ZNF385D: variants seen among roughly 807,000 people sequenced by gnomAD.
ZNF385D encodes the protein zinc finger protein 385D.
In ZNF385D, 15 loss-of-function variants were observed where a neutral mutation model predicts 35.8. The ratio of observed to expected loss-of-function variants is 0.42; its 90% confidence interval spans 0.28 to 0.64. The LOEUF (loss-of-function observed/expected upper bound fraction) is 0.64. Ranked by LOEUF, ZNF385D falls within the 30% of genes least tolerant of loss-of-function variation. ZNF385D has a pLI of 0.23. For missense variants in ZNF385D, 474 were observed against 494.6 expected (o/e 0.96, Z 0.39); for synonymous variants, 212 against 186.8 (o/e 1.13, Z -1.10).
chr3:22,346,675 G>A (rs17011228), intron 2 of ZNF385D, among the ~76,000 whole-genome samples: 60,246 of 151,966 alleles, frequency 0.4, 13,862 homozygotes, highest in African/African-American at 0.63. Flanking sequence ...TTTAGAAACC[G>A]TTGTTCAAGA....
At chr3:22,259,740 A>G (rs1700522208) in intron 2 of ZNF385D, among the ~76,000 whole-genome samples, 1 of 152,012 alleles carries the variant, frequency 6.6e-6, no homozygotes, top group South Asian at 2.1e-4. Flanking sequence ...TGGTCCTTAT[A>G]TAGTTGGTAC....
chr3:21,702,502 T>C (rs1029129153), intron 1 of ZNF385D, among the ~76,000 whole-genome samples: 1 of 152,196 alleles, frequency 6.6e-6, no homozygotes, highest in African/African-American at 2.4e-5. Flanking sequence ...CTGGAAACAT[T>C]TTCCTCATGA....
chr3:21,550,119 C>G (rs1158610629), intron 3 of ZNF385D, among the ~76,000 whole-genome samples: 1 of 152,060 alleles, frequency 6.6e-6, no homozygotes, highest in Non-Finnish European at 1.5e-5. Context: ...TTCTCTTTTC[C>G]TTTATAAAAT....
chr3:21,536,106 A>G (rs1396861437), intron 3 of ZNF385D, among the ~76,000 whole-genome samples: 1 of 149,176 alleles, frequency 6.7e-6, no homozygotes, highest in Non-Finnish European at 1.5e-5. Flanking sequence ...ATGATTAAAC[A>G]GTAACAACTT....
intron 3 of ZNF385D, among the ~76,000 whole-genome samples, chr3:22,090,181 G>A (rs1220594077): frequency 2.0e-5 from 3 of 152,046 alleles, no homozygotes; most frequent in Non-Finnish European, 4.4e-5. Flanking sequence ...AGTTCAAATT[G>A]CTACAAAATT....
intron 2 of ZNF385D, among the ~76,000 whole-genome samples, chr3:22,204,048 G>A (rs959883267): frequency 4.6e-5 from 7 of 152,024 alleles, no homozygotes; most frequent in African/African-American, 1.4e-4. Flanking sequence ...GTGCTGTGCT[G>A]GCTTTAGGTC....
chr3:21,626,922 G>A (rs1487782270), intron 2 of ZNF385D, among the ~76,000 whole-genome samples: 1 of 152,010 alleles, frequency 6.6e-6, no homozygotes, highest in Non-Finnish European at 1.5e-5. Context: ...TAAGCCTGTA[G>A]AAAAGAACTG....
At chr3:22,147,317 T>A (rs1228592389) in intron 3 of ZNF385D, among the ~76,000 whole-genome samples, 1 of 152,164 alleles carries the variant, frequency 6.6e-6, no homozygotes, top group Non-Finnish European at 1.5e-5. Flanking sequence ...TGATGCCAGT[T>A]CCAACGGTAG....
At chr3:22,246,033 GAC>G (rs1699759945) in intron 2 of ZNF385D, among the ~76,000 whole-genome samples, 1 of 152,086 alleles carries the variant, frequency 6.6e-6, no homozygotes, top group East Asian at 1.9e-4. Flanking sequence ...TTGCTTTCTA[GAC>G]ACACAACATT....
intron 3 of ZNF385D, among the ~76,000 whole-genome samples, chr3:21,927,354 C>T (rs1159758265): frequency 6.6e-6 from 1 of 151,994 alleles, no homozygotes; most frequent in Admixed American, 6.6e-5. Context: ...TCGTGCATTG[C>T]AATTCTGATT....
intron 3 of ZNF385D, among the ~76,000 whole-genome samples, chr3:21,820,973 A>G (rs1241513933): frequency 6.6e-6 from 1 of 152,014 alleles, no homozygotes; most frequent in Non-Finnish European, 1.5e-5. Context: ...TTAATTACAA[A>G]ACCGATTAAA....
At chr3:21,923,815 C>T (rs1289395456) in intron 3 of ZNF385D, among the ~76,000 whole-genome samples, 1 of 151,958 alleles carries the variant, frequency 6.6e-6, no homozygotes, top group African/African-American at 2.4e-5. Flanking sequence ...TATTCATGGA[C>T]ATAAACTGGG....
At chr3:21,783,958 T>G (rs897495163) in intron 3 of ZNF385D, among the ~76,000 whole-genome samples, 4 of 152,128 alleles carry the variant, frequency 2.6e-5, no homozygotes, top group Non-Finnish European at 5.9e-5. Flanking sequence ...AGAAAGAAAG[T>G]TGTGGCAGAG....
intron 2 of ZNF385D, among the ~76,000 whole-genome samples, chr3:22,215,307 T>C (rs999326425): frequency 2.0e-5 from 3 of 152,018 alleles, no homozygotes; most frequent in Admixed American, 6.6e-5. Context: ...CTCTGACCGC[T>C]GGTGAGCCAG....
At chr3:22,123,318 A>G (rs1336892433) in intron 3 of ZNF385D, among the ~76,000 whole-genome samples, 1 of 152,180 alleles carries the variant, frequency 6.6e-6, no homozygotes, top group East Asian at 1.9e-4. Flanking sequence ...ATTTATTTAT[A>G]TAATTAGTTT....
intron 2 of ZNF385D, among the ~76,000 whole-genome samples, chr3:21,637,616 A>C (rs1038065824): frequency 2.6e-5 from 4 of 151,984 alleles, no homozygotes; most frequent in Non-Finnish European, 5.9e-5. Context: ...CACTGTTCTT[A>C]AATACTGTAG....
chr3:21,687,722 GT>G (rs1220254690), intron 1 of ZNF385D, among the ~76,000 whole-genome samples: 1 of 152,016 alleles, frequency 6.6e-6, no homozygotes, highest in Admixed American at 6.6e-5. Context: ...CTCTTAATAT[GT>G]TTTTGACTAA....
chr3:22,006,187 C>CT (rs1696187254), intron 3 of ZNF385D, among the ~76,000 whole-genome samples: 1 of 152,006 alleles, frequency 6.6e-6, no homozygotes, highest in Admixed American at 6.5e-5. Context: ...TTAGATAAAC[C>CT]TATGCAGAGT....
rs1292669076 is a variant in ZNF385D, at chr3:21,502,856, G to A, written c.439+8005C>T. ...TGAGCCAGTGCTAAGAAAAGAAAAA[G>A]CACTCCAGGCACAAATGGTTTCACA... On this transcript the variant is annotated intron_variant, in intron 4 of 7. Coordinates refer to ENST00000281523, the MANE Select transcript of ZNF385D (RefSeq NM_024697.3). Among the ~76,000 whole-genome samples the A allele has an allele frequency of 5.9e-5, 9 of 152,272 alleles. No homozygotes were observed. The East Asian group carries it at 1.7e-3, about 29-fold the overall frequency.
Sources: allele counts gnomAD v4.1 joint callset (sites outside exome capture counted in the v4.1 genomes callset), GRCh38; gene constraint gnomAD v4.1.1; transcripts MANE v1.5; gene names NCBI Gene and HGNC (gene_info 2026-07-23, HGNC 2026-07-21).